The following ADAMTSL3 variants were observed in gnomAD, a reference collection of about 807,000 sequenced individuals.
The protein encoded by ADAMTSL3 is ADAMTS like 3.
Under a neutral mutation model 201.7 loss-of-function variants are expected in ADAMTSL3, and 128 were observed. The observed-to-expected ratio is 0.63, with a 90% CI of 0.55 to 0.73. The LOEUF (loss-of-function observed/expected upper bound fraction) is 0.73. Among genes scored for constraint, ADAMTSL3 ranks in the 30% least tolerant of loss-of-function variants. The probability of loss-of-function intolerance (pLI) is 0.00; values close to 1 mark genes in which losing one functional copy is unlikely to be tolerated. For synonymous variants in ADAMTSL3, 738 were observed against 748.4 expected (o/e 0.99, Z 0.23); for missense variants, 1,990 against 2,119.6 (o/e 0.94, Z 1.20).
chr15:83,929,208 C>T (rs755800619), intron 17 of ADAMTSL3, among the ~76,000 whole-genome samples: 4 of 152,258 alleles, frequency 2.6e-5, no homozygotes, highest in Admixed American at 6.5e-5. Context: ...TTTCTTTTGC[C>T]GGGGCTGCCA....
At chr15:83,816,323 C>T (rs562100398) in intron 5 of ADAMTSL3, among the ~76,000 whole-genome samples, 1 of 152,294 alleles carries the variant, frequency 6.6e-6, no homozygotes, top group Admixed American at 6.5e-5. Flanking sequence ...AAAGATTGAC[C>T]TGGTGTGGAC....
chr15:83,761,568 A>C (rs2062809074), intron 3 of ADAMTSL3, among the ~76,000 whole-genome samples: 1 of 152,098 alleles, frequency 6.6e-6, no homozygotes, highest in Non-Finnish European at 1.5e-5. Context: ...CCTCAATGGC[A>C]TGGTTGATCT....
At chr15:83,824,386 C>A (rs894569920) in intron 6 of ADAMTSL3, among the ~76,000 whole-genome samples, 2 of 151,990 alleles carry the variant, frequency 1.3e-5, no homozygotes, top group East Asian at 1.9e-4. Context: ...TCCCATAGGA[C>A]CCCCCTGCTT....
At chr15:84,005,531 A>C (rs953304407) in intron 23 of ADAMTSL3, among the ~76,000 whole-genome samples, 2 of 152,182 alleles carry the variant, frequency 1.3e-5, no homozygotes, top group African/African-American at 2.4e-5. Context: ...TTGATATAAT[A>C]ATTTTCACTG....
intron 6 of ADAMTSL3, among the ~76,000 whole-genome samples, chr15:83,835,587 G>C (rs2064252134): frequency 6.6e-6 from 1 of 152,200 alleles, no homozygotes; most frequent in South Asian, 2.1e-4. Context: ...TCATTCTCAT[G>C]AAATGCAGAG....
At position 83,763,773 on chromosome 15, in the gene ADAMTSL3, G is replaced by A. The variant is rs1361936731; in HGVS notation, c.190-9750G>A. On this transcript the variant is annotated intron_variant, in intron 3 of 29. Coordinates refer to ENST00000286744, the MANE Select transcript of ADAMTSL3 (RefSeq NM_207517.3). Reference sequence around the variant, plus strand: ...GCCCGCCTTGGCCTCCCAAAGTGCTGGGATTACAGGCGTGAGCCACCGCAC... The same window carrying A: ...GCCCGCCTTGGCCTCCCAAAGTGCTAGGATTACAGGCGTGAGCCACCGCAC... Among the ~76,000 whole-genome samples the A allele has an allele frequency of 2.0e-5, 3 of 152,324 alleles. No homozygotes were observed. In the East Asian group the frequency reaches 5.8e-4, roughly 29 times the overall value.
chr15:83,870,158 G>C (rs2065055726), intron 8 of ADAMTSL3, among the ~76,000 whole-genome samples: 1 of 152,096 alleles, frequency 6.6e-6, no homozygotes, highest in Admixed American at 6.6e-5. Context: ...CATGCACAAG[G>C]GAGGTCTTTG....
chr15:83,790,988 G>A (rs79318861), intron 4 of ADAMTSL3, among the ~76,000 whole-genome samples: 2,833 of 152,224 alleles, frequency 0.019, 59 homozygotes, highest in South Asian at 0.097. Flanking sequence ...ATGTGCTAAT[G>A]AAAGAGGAAC....
chr15:83,999,782 T>A (rs186398972), intron 23 of ADAMTSL3, among the ~76,000 whole-genome samples: 61 of 94,060 alleles, frequency 6.5e-4, no homozygotes, highest in East Asian at 5.7e-3. Context: ...TTAATCGGGA[T>A]TTTTTTTAAG....
chr15:83,750,693 A>T lies in ADAMTSL3; in HGVS notation c.190-22830A>T, dbSNP rs9989272. On this transcript the variant is annotated intron_variant, in intron 3 of 29. Coordinates refer to ENST00000286744, the MANE Select transcript of ADAMTSL3 (RefSeq NM_207517.3). ...CAGCCTCCCGAATAGCTGGGACTAC[A>T]GGCACGTGCCACCACACCCAGCTAA... Among the ~76,000 whole-genome samples, 1,066 of 152,216 alleles carry T rather than the reference A, an allele frequency of 7.0e-3. 13 individuals carry two copies. Among genetic ancestry groups the T allele is most frequent in the African/African-American group, 0.023 (970 of 41,530 alleles).
chr15:83,654,232 G>T lies in ADAMTSL3; in HGVS notation c.-78G>T, dbSNP rs1296878750. The stretch of plus-strand genomic sequence containing the variant: ...CTTCTCCCCAGCGCGCGCCGAGCCC[G>T]CGCGGCCCCGGGGCTGCACGTCCCA... On this transcript the variant is annotated 5_prime_UTR_variant, in exon 1 of 30. Coordinates refer to ENST00000286744, the MANE Select transcript of ADAMTSL3 (RefSeq NM_207517.3). The surrounding 1 kb of genome is among the most constrained non-coding windows in gnomAD (Gnocchi z 5.3). 1 of 152,044 alleles carries T rather than the reference G, an allele frequency of 6.6e-6. No homozygotes were observed. Among genetic ancestry groups the T allele is most frequent in the Non-Finnish European group, 1.5e-5 (1 of 68,064 alleles). 9.4% of individuals were successfully genotyped at this position (152,044 alleles called of 1,614,324 possible).
intron 7 of ADAMTSL3, 41 bp from the exon 8 acceptor site, chr15:83,858,725 G>A (rs771105397): frequency 6.6e-7 from 1 of 1,504,692 alleles, no homozygotes; most frequent in South Asian, 1.2e-5. Flanking sequence ...TGGGCCTTTA[G>A]TGTACTGGTT....
At chr15:83,847,965 G>A (rs1471014598) in intron 7 of ADAMTSL3, among the ~76,000 whole-genome samples, 1 of 150,862 alleles carries the variant, frequency 6.6e-6, no homozygotes, top group East Asian at 1.9e-4. Context: ...TTTCTATAGG[G>A]TTCAAATTAT....
intron 19 of ADAMTSL3, among the ~76,000 whole-genome samples, chr15:83,954,314 C>A (rs1045294828): frequency 6.6e-6 from 1 of 152,140 alleles, no homozygotes; most frequent in Admixed American, 6.5e-5. Context: ...GTTCTGCTGC[C>A]AAGAGACTCT....
In ADAMTSL3 at chr15:84,025,295, T is replaced by A. The variant is rs1473525060; in HGVS notation, c.4515T>A (p.Ser1505Arg). 1 of 1,613,866 alleles carries A rather than the reference T, an allele frequency of 6.2e-7. No homozygotes were observed. Among genetic ancestry groups the A allele is most frequent in the African/African-American group, 1.3e-5 (1 of 74,912 alleles). Reference sequence around the variant, plus strand: ...TGTCTTGCGGTGAAGGATACCACAGTCGGCAGGTGACGTGCAAGCGGACAA... The same window carrying A: ...TGTCTTGCGGTGAAGGATACCACAGACGGCAGGTGACGTGCAAGCGGACAA... ...CSVSCGEGYH[S>R]RQVTCKRTKA... Residue 1505 changes from serine (S) to arginine (R), a missense_variant, in exon 27 of 30, where the codon AGT (serine) becomes AGA (arginine). Ser to Arg is a moderately radical substitution (Grantham distance 110, BLOSUM62 -1). Transcript: ENST00000286744.
At chr15:83,664,488 C>G (rs2141369547) in intron 2 of ADAMTSL3, among the ~76,000 whole-genome samples, 1 of 152,332 alleles carries the variant, frequency 6.6e-6, no homozygotes, top group South Asian at 2.1e-4. Flanking sequence ...CTCCATCACC[C>G]AGCCATTTGA....
Position 84,014,527 on chromosome 15 carries a change from G to T in ADAMTSL3, c.3974-15G>T. 1.2e-6 allele frequency: 2 copies of T among 1,608,876 alleles called. No individual in the cohort carries two copies. Among genetic ancestry groups the T allele is most frequent in the Non-Finnish European group, 1.7e-6 (2 of 1,177,696 alleles). ...TAAAGGAATTGCCTTTGTCATATTT[G>T]TTTTTGTTCCAAAGGTGTCCCTCAG... On this transcript the variant is annotated splice_polypyrimidine_tract_variant and intron_variant, in intron 23 of 29. Coordinates refer to ENST00000286744, the MANE Select transcript of ADAMTSL3 (RefSeq NM_207517.3).
chr15:84,035,259 G>A (rs1198317431), intron 28 of ADAMTSL3, among the ~76,000 whole-genome samples: 1 of 152,138 alleles, frequency 6.6e-6, no homozygotes, highest in African/African-American at 2.4e-5. Flanking sequence ...AGTCAACTTG[G>A]CATGATTTAT....
chr15:84,026,119 A>G (rs995817481), intron 27 of ADAMTSL3, among the ~76,000 whole-genome samples: 3 of 152,310 alleles, frequency 2.0e-5, no homozygotes, highest in East Asian at 1.9e-4. Context: ...TCCTCATCCT[A>G]TGTCAGAGCA....
Sources: allele counts gnomAD v4.1 joint callset (sites outside exome capture counted in the v4.1 genomes callset), GRCh38; gene constraint gnomAD v4.1.1; non-coding constraint Gnocchi (gnomAD v3.1); transcripts MANE v1.5; gene names NCBI Gene and HGNC (gene_info 2026-07-23, HGNC 2026-07-21).